The following ATP2B2 variants were observed in gnomAD, a reference collection of about 807,000 sequenced individuals.
ATP2B2 encodes ATPase plasma membrane Ca2+ transporting 2.
ATP2B2 carries 15 observed loss-of-function variants against 120.0 expected under a neutral mutation model. The observed-to-expected ratio is 0.12, with a 90% CI of 0.08 to 0.19. The LOEUF is 0.19. Ranked by LOEUF, ATP2B2 falls within the 10% of genes least tolerant of loss-of-function variation. The probability of loss-of-function intolerance (pLI) is 1.00; values close to 1 mark genes in which losing one functional copy is unlikely to be tolerated. For synonymous variants in ATP2B2, 694 were observed against 700.3 expected (o/e 0.99, Z 0.14); for missense variants, 1,045 against 1,719.8 (o/e 0.61, Z 6.94).
chr3:10,580,390 G>T (rs957007319), intron 2 of ATP2B2, among the ~76,000 whole-genome samples: 3 of 152,084 alleles, frequency 2.0e-5, no homozygotes, highest in Admixed American at 1.3e-4. Context: ...CTCTTCTTGT[G>T]GCCTCAGCAC....
chr3:10,564,705 A>G (rs1289893724), intron 2 of ATP2B2, among the ~76,000 whole-genome samples: 1 of 152,216 alleles, frequency 6.6e-6, no homozygotes, highest in Non-Finnish European at 1.5e-5. Context: ...CCCTTTAGGA[A>G]TGATGGCAAT....
chr3:10,703,594 T>A (rs1287754745), intron 1 of ATP2B2, among the ~76,000 whole-genome samples: 1 of 152,206 alleles, frequency 6.6e-6, no homozygotes, highest in Non-Finnish European at 1.5e-5. Context: ...AGCACACACC[T>A]TTTAGCCCGC....
chr3:10,604,697 G>T (rs1298370897), intron 2 of ATP2B2, among the ~76,000 whole-genome samples: 1 of 152,158 alleles, frequency 6.6e-6, no homozygotes, highest in East Asian at 1.9e-4. Context: ...TGGAAAACTT[G>T]GAAGACCAGG....
chr3:10,656,910 GC>G (rs1314594283), intron 1 of ATP2B2, among the ~76,000 whole-genome samples: 1 of 152,242 alleles, frequency 6.6e-6, no homozygotes, highest in Non-Finnish European at 1.5e-5. Flanking sequence ...GCAGGAGCAA[GC>G]TTTCAGAGGA....
intron 3 of ATP2B2, among the ~76,000 whole-genome samples, chr3:10,513,172 G>A (rs1452476685): frequency 2.6e-5 from 1 of 37,920 alleles, no homozygotes; most frequent in African/African-American, 1.3e-4. Flanking sequence ...AGGAGGCCCC[G>A]GTGTCTCTGG....
Position 10,488,515 on chromosome 3 carries a change from C to CTTCG in ATP2B2, c.-320+16949_-320+16950insCGAA, listed in dbSNP as rs1575389511. Among the ~76,000 whole-genome samples the CTTCG allele has an allele frequency of 7.6e-5, 9 of 118,164 alleles. No homozygotes were observed. In the East Asian group the frequency reaches 2.0e-3, roughly 26 times the overall value. The allele number at this position is 118,164 out of a possible 152,430, so 77.5% of individuals were successfully genotyped here. ...CCTTCCTTCCTTCCTTCGTTCCTTC[C>CTTCG]TTCCTTCCTTCCTTCTTTCCTTCCT... is the stretch of plus-strand genomic sequence containing the variant. On this transcript the variant is annotated intron_variant, in intron 1 of 22. Coordinates refer to ENST00000360273, the MANE Select transcript of ATP2B2 (RefSeq NM_001001331.4).
intron 1 of ATP2B2, among the ~76,000 whole-genome samples, chr3:10,705,585 C>T (rs1268452412): frequency 3.3e-5 from 5 of 152,192 alleles, no homozygotes; most frequent in African/African-American, 1.2e-4. Context: ...TGGGTCTCAC[C>T]CATTTCTAGG....
chr3:10,541,377 T>C (rs1357333668), intron 2 of ATP2B2, among the ~76,000 whole-genome samples: 1 of 152,162 alleles, frequency 6.6e-6, no homozygotes, highest in Non-Finnish European at 1.5e-5. Flanking sequence ...GATTTCAGAA[T>C]TCTTTATTTG....
At chr3:10,676,965 A>G (rs1481211447) in intron 1 of ATP2B2, among the ~76,000 whole-genome samples, 6 of 152,168 alleles carry the variant, frequency 3.9e-5, no homozygotes, top group Admixed American at 3.9e-4. Flanking sequence ...GCTTGTGGGG[A>G]TGCAAAATGA....
rs2069984138 is a variant in ATP2B2 at position 10,635,068 on chromosome 3, G to A, written c.-459-15107C>T. Among the ~76,000 whole-genome samples the A allele has an allele frequency of 6.6e-6, 1 of 151,900 alleles. No individual in the cohort carries two copies. Among genetic ancestry groups the A allele is most frequent in the African/African-American group, 2.4e-5 (1 of 41,368 alleles). On this transcript the variant is annotated intron_variant, in intron 1 of 21. Transcript: ENST00000646379. The surrounding 1 kb of genome is among the most constrained non-coding windows in gnomAD (Gnocchi z 4.3). ...ACACTCGCAGGACCCCGAGATAAAT[G>A]TCCCTGGGAATTGGAATGGTATCAC...
intron 2 of ATP2B2, among the ~76,000 whole-genome samples, chr3:10,596,997 A>G (rs73033862): frequency 0.39 from 57,788 of 150,064 alleles, 14,278 homozygotes; most frequent in Non-Finnish European, 0.55. Context: ...GCAGGTGCAC[A>G]CGCACACAGG....
intron 3 of ATP2B2, among the ~76,000 whole-genome samples, chr3:10,514,360 GGTGATGCTGATGGAGT>G (rs2066834716): frequency 6.6e-6 from 1 of 152,158 alleles, no homozygotes; most frequent in African/African-American, 2.4e-5. Flanking sequence ...CTTGGGAGAT[GGTGATGCTGATGGAGT>G]CTTGATGGGT....
At chr3:10,491,760 G>GC (rs1450539329) in intron 1 of ATP2B2, among the ~76,000 whole-genome samples, 1 of 152,006 alleles carries the variant, frequency 6.6e-6, no homozygotes, top group Non-Finnish European at 1.5e-5. Flanking sequence ...ACTTGTATCT[G>GC]CCAGTATATG....
In ATP2B2 at chr3:10,327,024, G is replaced by A; in HGVS notation, c.*1790C>T. On this transcript the variant is annotated 3_prime_UTR_variant, in exon 23 of 23. Transcript: ENST00000360273. ...CGAAGCATGGGACATCATCGATCATGGTATTCAAAATGTCTTTTGCACTGT... is the reference window on the plus strand; with the variant it reads ...CGAAGCATGGGACATCATCGATCATAGTATTCAAAATGTCTTTTGCACTGT... The A allele has an allele frequency of 2.5e-6, 1 of 397,252 alleles. No individual in the cohort carries two copies. The highest frequency in any genetic ancestry group is 3.6e-5 in the East Asian group (1 of 28,024). The allele number at this position is 397,252 out of a possible 1,614,324, so 24.6% of individuals were successfully genotyped here. A position where few individuals can be genotyped will look rare whatever the true frequency, so the allele number is the denominator to read the frequency against.
intron 2 of ATP2B2, among the ~76,000 whole-genome samples, chr3:10,412,643 G>A (rs1022087710): frequency 5.9e-5 from 9 of 152,004 alleles, no homozygotes; most frequent in Admixed American, 2.0e-4. Flanking sequence ...AGTCTTCCCC[G>A]CAGCAGGCTT....
chr3:10,405,336 G>A (rs2062372757), intron 3 of ATP2B2, among the ~76,000 whole-genome samples: 1 of 152,176 alleles, frequency 6.6e-6, no homozygotes, highest in Non-Finnish European at 1.5e-5. Context: ...AACCCTCTGG[G>A]CCTTGGAGGG....
chr3:10,405,817 A>G (rs1165626315), intron 3 of ATP2B2, among the ~76,000 whole-genome samples: 1 of 152,142 alleles, frequency 6.6e-6, no homozygotes, highest in Non-Finnish European at 1.5e-5. Flanking sequence ...AGATCCTCAA[A>G]ACTGGTTGAG....
rs75529076 is a variant in ATP2B2, at chr3:10,586,722, G to A, written c.-415+33195C>T. On this transcript the variant is annotated intron_variant, in intron 2 of 21. Transcript: ENST00000646379. ...CAGCCTCTCCTCAGAGGGGTGAGAG[G>A]GAGCATCTGGATGGATTGCATTTCC... Among the ~76,000 whole-genome samples the A allele has an allele frequency of 5.2e-3, 790 of 152,272 alleles. 9 individuals carry two copies. The highest frequency in any genetic ancestry group is 0.043 in the South Asian group (207 of 4,814).
chr3:10,410,256 A>C (rs2062562450), intron 3 of ATP2B2, among the ~76,000 whole-genome samples: 1 of 152,222 alleles, frequency 6.6e-6, no homozygotes, highest in Admixed American at 6.5e-5. Flanking sequence ...TCACCCAAGC[A>C]GTATATACTG....
Sources: allele counts gnomAD v4.1 joint callset (sites outside exome capture counted in the v4.1 genomes callset), GRCh38; gene constraint gnomAD v4.1.1; non-coding constraint Gnocchi (gnomAD v3.1); transcripts MANE v1.5; gene names NCBI Gene and HGNC (gene_info 2026-07-23, HGNC 2026-07-21).